The following FBN2 variants were observed in gnomAD, a reference collection of about 807,000 sequenced individuals.
FBN2 encodes fibrillin-2.
In FBN2, 105 loss-of-function variants were observed where a neutral mutation model predicts 355.6. The ratio of observed to expected loss-of-function variants is 0.30; its 90% CI spans 0.25 to 0.35. The LOEUF is 0.35. Among genes scored for constraint, FBN2 ranks in the 10% least tolerant of loss-of-function variants. The probability of loss-of-function intolerance (pLI) is 1.00; values close to 1 mark genes in which losing one functional copy is unlikely to be tolerated. For missense variants in FBN2, 3,280 were observed against 3,758.7 expected (o/e 0.87, Z 3.33); for synonymous variants, 1,350 against 1,301.2 (o/e 1.04, Z -0.81).
chr5:128,517,392 C>T (rs1020547334), intron 5 of FBN2, among the ~76,000 whole-genome samples: 10 of 152,046 alleles, frequency 6.6e-5, no homozygotes, highest in Admixed American at 1.3e-4. Flanking sequence ...ATAAACTTAG[C>T]GTTATCTAAG....
intron 62 of FBN2, among the ~76,000 whole-genome samples, chr5:128,271,318 G>T (rs188206887): frequency 5.9e-5 from 9 of 152,158 alleles, no homozygotes; most frequent in Non-Finnish European, 1.2e-4. Flanking sequence ...TCTGTGAAGC[G>T]CATTCAAAAG....
At chr5:128,478,698 A>T (rs1438533930) in intron 5 of FBN2, among the ~76,000 whole-genome samples, 2 of 152,180 alleles carry the variant, frequency 1.3e-5, no homozygotes, top group Non-Finnish European at 2.9e-5. Context: ...GTATTTCCCA[A>T]AATGTGGTCA....
intron 6 of FBN2, among the ~76,000 whole-genome samples, chr5:128,457,534 T>G (rs1024423652): frequency 7.9e-5 from 12 of 152,002 alleles, no homozygotes; most frequent in African/African-American, 2.9e-4. Flanking sequence ...AAGGAAAAAC[T>G]GTTAAGGGCA....
At chr5:128,262,797 C>T (rs948307142) in intron 63 of FBN2, among the ~76,000 whole-genome samples, 6 of 152,218 alleles carry the variant, frequency 3.9e-5, no homozygotes, top group Non-Finnish European at 8.8e-5. Context: ...TGCCCATCTT[C>T]TGTGTTACTG....
intron 7 of FBN2, among the ~76,000 whole-genome samples, chr5:128,439,608 T>C (rs1049722756): frequency 1.3e-5 from 2 of 152,120 alleles, no homozygotes; most frequent in African/African-American, 4.8e-5. Flanking sequence ...ATTTGTGGAA[T>C]CTCTTTGTAC....
At chr5:128,520,878 C>T (rs927929594) in intron 4 of FBN2, among the ~76,000 whole-genome samples, 1 of 151,804 alleles carries the variant, frequency 6.6e-6, no homozygotes, top group Admixed American at 6.6e-5. Flanking sequence ...CTCATCATTG[C>T]CTTGAAATAT....
chr5:128,485,689 G>A (rs896992372), intron 5 of FBN2, among the ~76,000 whole-genome samples: 7 of 152,156 alleles, frequency 4.6e-5, no homozygotes, highest in African/African-American at 1.7e-4. Flanking sequence ...CATGAGGGCG[G>A]TTACACTCTG....
chr5:128,304,380 A>G (rs1056313148), intron 45 of FBN2, among the ~76,000 whole-genome samples: 5 of 152,160 alleles, frequency 3.3e-5, no homozygotes, highest in South Asian at 2.1e-4. Context: ...ACTAAGCTCT[A>G]TTACCACTTG....
intron 62 of FBN2, among the ~76,000 whole-genome samples, chr5:128,266,048 G>A (rs373079354): frequency 5.9e-5 from 9 of 152,264 alleles, no homozygotes; most frequent in South Asian, 2.1e-4. Flanking sequence ...TTCAATTTGC[G>A]TTTTGTCCTA....
chr5:128,304,139 A>G (rs1322451059), intron 45 of FBN2, among the ~76,000 whole-genome samples: 4 of 152,348 alleles, frequency 2.6e-5, no homozygotes, highest in East Asian at 3.9e-4. Flanking sequence ...GAATATCAAG[A>G]GTAGCTGAAC....
At chr5:128,444,059 T>TTTG (rs1753998739) in intron 7 of FBN2, among the ~76,000 whole-genome samples, 1 of 107,816 alleles carries the variant, frequency 9.3e-6, no homozygotes, top group African/African-American at 3.6e-5. Context: ...TTGTTCTTTT[T>TTTG]TTTTTTTTTT....
intron 15 of FBN2, among the ~76,000 whole-genome samples, chr5:128,370,248 T>C (rs914194159): frequency 1.1e-4 from 16 of 152,288 alleles, no homozygotes; most frequent in African/African-American, 3.9e-4. Context: ...AGAGAACCCA[T>C]GCAATTTTTA....
At chr5:128,260,295 AAGGTAAGTGAATGATG>A (rs1302174929) in intron 64 of FBN2, among the ~76,000 whole-genome samples, 1 of 151,978 alleles carries the variant, frequency 6.6e-6, no homozygotes, top group African/African-American at 2.4e-5. Flanking sequence ...TTTGATTTGT[AAGGTAAGTGAATGATG>A]AGTGAGTTTA....
chr5:128,357,199 T>C, intron 20 of FBN2, 77 bp downstream of exon 20: 4 of 1,573,878 alleles, frequency 2.5e-6, no homozygotes, highest in Middle Eastern at 1.7e-4. Context: ...TATTCTGTTT[T>C]TATCCGTAGT....
intron 5 of FBN2, among the ~76,000 whole-genome samples, chr5:128,497,804 T>A (rs575679407): frequency 2.6e-4 from 40 of 152,306 alleles, no homozygotes; most frequent in African/African-American, 9.1e-4. Context: ...GTTTCATAAT[T>A]CTAGTTAAGT....
Position 128,259,495 on chromosome 5 carries a change from C to G in FBN2, c.8699G>C (p.Gly2900Ala). 14 of 1,613,528 alleles carry G rather than the reference C, an allele frequency of 8.7e-6. No homozygotes were observed. Among genetic ancestry groups the G allele is most frequent in the Non-Finnish European group, 1.2e-5 (14 of 1,179,886 alleles). Residue 2900 changes from glycine (G) to alanine (A), a missense_variant, in exon 65 of 65, where the codon GGG becomes GCG. Around this residue, in one of 6 missense-constraint regions of FBN2, gnomAD observed 311 missense variants for 319.1 expected, o/e 0.97. Coordinates refer to ENST00000262464, the MANE Select transcript of FBN2 (RefSeq NM_001999.4). ...NEDDYLLGELGEALRMRLQIQ... is the reference protein window; with the variant it reads ...NEDDYLLGELAEALRMRLQIQ... ...CTGCAGCCTCATTCTGAGAGCCTCC[C>G]CAAGCTCCCCTAGGAGGTAGTCATC...
At chr5:128,335,007 CA>C (rs1750797734) in intron 30 of FBN2, among the ~76,000 whole-genome samples, 162 bp downstream of exon 30, 1 of 152,196 alleles carries the variant, frequency 6.6e-6, no homozygotes, top group Non-Finnish European at 1.5e-5. Context: ...TGCCTTTAGA[CA>C]TTTTTAAAAG....
intron 11 of FBN2, among the ~76,000 whole-genome samples, chr5:128,388,296 T>C (rs1752420393): frequency 6.6e-6 from 1 of 152,252 alleles, no homozygotes; most frequent in Non-Finnish European, 1.5e-5. Flanking sequence ...TTTATCTATC[T>C]TGCCACCCTG....
rs1295720338 is a variant in FBN2, at chr5:128,442,683, T to G, written c.952+3798A>C. The stretch of plus-strand genomic sequence containing the variant: ...GCAGTGAGCATCATGAGAGGTTTTT[T>G]TGAGATCCAGGACCCTAATTGAGCA... On this transcript the variant is annotated intron_variant, in intron 7 of 64. Coordinates refer to ENST00000262464, the MANE Select transcript of FBN2 (RefSeq NM_001999.4). Among the ~76,000 whole-genome samples, 4 of 152,142 alleles carry G rather than the reference T, an allele frequency of 2.6e-5. No homozygotes were observed. The East Asian group carries it at 7.7e-4, about 29-fold the overall frequency.
Sources: allele counts gnomAD v4.1 joint callset (sites outside exome capture counted in the v4.1 genomes callset), GRCh38; gene constraint gnomAD v4.1.1; regional missense constraint gnomAD v4.1.1; transcripts MANE v1.5; gene names NCBI Gene and HGNC (gene_info 2026-07-23, HGNC 2026-07-21).